The following HIBCH variants were observed in gnomAD, a reference collection of about 807,000 sequenced individuals.
The protein encoded by HIBCH is 3-hydroxyisobutyryl-CoA hydrolase.
A neutral mutation model predicts 58.2 loss-of-function variants in HIBCH; 50 were observed. The ratio of observed to expected loss-of-function variants is 0.86; its 90% CI spans 0.68 to 1.09. The LOEUF (loss-of-function observed/expected upper bound fraction) is 1.09. Among genes scored for constraint, HIBCH ranks in the 50% least tolerant of loss-of-function variants. The pLI is 0.00. For synonymous variants in HIBCH, 151 were observed against 146.9 expected (o/e 1.03, Z -0.20); for missense variants, 450 against 449.7 (o/e 1.00, Z -0.01).
At chr2:190,312,047 C>G (rs1688571459) in intron 1 of HIBCH, among the ~76,000 whole-genome samples, 1 of 152,080 alleles carries the variant, frequency 6.6e-6, no homozygotes, top group African/African-American at 2.4e-5. Flanking sequence ...GTTCACTAAG[C>G]TATAAACTTC....
At chr2:190,237,436 A>G (rs779219853) in intron 11 of HIBCH, among the ~76,000 whole-genome samples, 2 of 152,314 alleles carry the variant, frequency 1.3e-5, no homozygotes, top group South Asian at 2.1e-4. Context: ...ATATATCACA[A>G]TAAGTTTATT....
intron 4 of HIBCH, among the ~76,000 whole-genome samples, chr2:190,293,238 G>A (rs1247435897): frequency 6.6e-5 from 10 of 152,096 alleles, no homozygotes; most frequent in African/African-American, 2.2e-4. Context: ...GATCGCCTGA[G>A]ATCAGGAGTT....
At chr2:190,200,034 C>G, downstream of HIBCH, 2 of 1,614,104 alleles carry the variant, frequency 1.2e-6, no homozygotes, top group Non-Finnish European at 1.7e-6. Flanking sequence ...ATACTGTGAT[C>G]TTGGAATATG....
chr2:190,282,533 T>C (rs969633985), intron 6 of HIBCH, among the ~76,000 whole-genome samples: 1 of 152,142 alleles, frequency 6.6e-6, no homozygotes, highest in South Asian at 2.1e-4. Context: ...AAGATACTAA[T>C]CCATCTTAAC....
chr2:190,270,119 C>G (rs774885370), intron 6 of HIBCH, among the ~76,000 whole-genome samples: 18 of 152,006 alleles, frequency 1.2e-4, no homozygotes, highest in Non-Finnish European at 2.1e-4. Flanking sequence ...CTAATACATG[C>G]AGGGCTTAAA....
chr2:190,192,226 A>G (rs1279463079), intron 1 of HIBCH, among the ~76,000 whole-genome samples: 1 of 151,856 alleles, frequency 6.6e-6, no homozygotes, highest in Non-Finnish European at 1.5e-5. Flanking sequence ...TTTTGCATTC[A>G]TTGTTTTTGG....
intron 9 of HIBCH, among the ~76,000 whole-genome samples, chr2:190,246,884 G>C (rs371044062): frequency 3.9e-5 from 6 of 152,090 alleles, no homozygotes; most frequent in South Asian, 2.1e-4. Context: ...AGTATAAGAG[G>C]GTTCTGCAGG....
At chr2:190,258,148 T>C (rs1027419541) in intron 7 of HIBCH, among the ~76,000 whole-genome samples, 2 of 152,104 alleles carry the variant, frequency 1.3e-5, no homozygotes, top group Non-Finnish European at 2.9e-5. Context: ...GTTCTCATGA[T>C]ATCTGGTTGT....
At chr2:190,309,647 C>T (rs1688508464) in intron 2 of HIBCH, among the ~76,000 whole-genome samples, 1 of 151,996 alleles carries the variant, frequency 6.6e-6, no homozygotes, top group South Asian at 2.1e-4. Flanking sequence ...GCTCTGCCTC[C>T]CGGGTTCACG....
chr2:190,190,142 A>G (rs1210339483), intron 1 of HIBCH: 1 of 152,250 alleles, frequency 6.6e-6, no homozygotes, highest in Non-Finnish European at 1.5e-5. Context: ...GTTTTAACAT[A>G]TACCTCATGT....
At chr2:190,282,375 C>T (rs1687724058) in intron 6 of HIBCH, among the ~76,000 whole-genome samples, 1 of 152,164 alleles carries the variant, frequency 6.6e-6, no homozygotes, top group African/African-American at 2.4e-5. Context: ...TAGTGAGGGC[C>T]TTATGTTACA....
Position 190,265,528 on chromosome 2 carries a change from CTGTATACCAAA to C in HIBCH, c.439-4305_439-4295del, listed in dbSNP as rs1687209611. 3.3e-5 allele frequency among the ~76,000 whole-genome samples: 5 copies of C among 151,294 alleles called. No individual in the cohort carries two copies. The South Asian group carries it at 1.0e-3, about 31-fold the overall frequency. ...ATCCTAGACAGGATTCCCTTATCAG[CTGTATACCAAA>C]TATGTTTTCAGTCTGTGGCTTGCCT... On this transcript the variant is annotated intron_variant, in intron 6 of 13. Transcript: ENST00000359678.
rs1034981822 is a variant in HIBCH at position 190,206,322 on chromosome 2, T to A, written c.1046-1090A>T. 6.6e-6 allele frequency among the ~76,000 whole-genome samples: 1 copy of A among 152,178 alleles called. No homozygotes were observed. Among genetic ancestry groups the A allele is most frequent in the Non-Finnish European group, 1.5e-5 (1 of 68,030 alleles). On this transcript the variant is annotated intron_variant, in intron 13 of 13. Coordinates refer to ENST00000359678, the MANE Select transcript of HIBCH (RefSeq NM_014362.4). The surrounding 1 kb of genome is among the most constrained non-coding windows in gnomAD (Gnocchi z 5.1). ...TTCTGATCCCTACTATTTGAAAGTT[T>A]TATATTCCGTGGACAGTGTAAACAA... is the stretch of plus-strand genomic sequence containing the variant.
chr2:190,285,434 G>A (rs771306306), intron 6 of HIBCH, among the ~76,000 whole-genome samples: 3 of 151,978 alleles, frequency 2.0e-5, no homozygotes, highest in Non-Finnish European at 2.9e-5. Context: ...TTTTCCCCAG[G>A]TTAAAGCACA....
In HIBCH at chr2:190,206,411, T is replaced by C. The variant is rs1225294314; in HGVS notation, c.1046-1179A>G. Among the ~76,000 whole-genome samples the C allele has an allele frequency of 3.3e-5, 5 of 152,216 alleles. No individual in the cohort carries two copies. Among genetic ancestry groups the C allele is most frequent in the Admixed American group, 6.5e-5 (1 of 15,280 alleles). On this transcript the variant is annotated intron_variant, in intron 13 of 13. Transcript: ENST00000359678. The surrounding 1 kb of genome is among the most constrained non-coding windows in gnomAD (Gnocchi z 5.1). ...TCACTCTAAGTCTTCTGGTCAATACTACCTGTCTCCTTGAGATCCCACTGA... is the reference window on the plus strand; with the variant it reads ...TCACTCTAAGTCTTCTGGTCAATACCACCTGTCTCCTTGAGATCCCACTGA...
At chr2:190,195,699 G>A (rs919104231) in intron 1 of HIBCH, among the ~76,000 whole-genome samples, 1 of 151,840 alleles carries the variant, frequency 6.6e-6, no homozygotes, top group Non-Finnish European at 1.5e-5. Context: ...TTTTCTCCCA[G>A]TCTGTGGCTT....
intron 11 of HIBCH, among the ~76,000 whole-genome samples, chr2:190,232,004 T>C (rs1173377617): frequency 6.6e-6 from 1 of 152,128 alleles, no homozygotes; most frequent in East Asian, 1.9e-4. Context: ...AAGACCAGCC[T>C]GACCAACATG....
intron 11 of HIBCH, among the ~76,000 whole-genome samples, chr2:190,226,801 C>T (rs1274598867): frequency 2.6e-5 from 4 of 151,912 alleles, no homozygotes; most frequent in African/African-American, 9.7e-5. Flanking sequence ...AAACAGAGGG[C>T]CAAATCATGA....
chr2:190,258,000 C>A (rs1686977319), intron 7 of HIBCH, among the ~76,000 whole-genome samples: 1 of 152,142 alleles, frequency 6.6e-6, no homozygotes, highest in African/African-American at 2.4e-5. Flanking sequence ...TTGAAAGGCC[C>A]TGATATGGTT....
Sources: gnomAD v4.1 joint callset for allele counts (sites outside exome capture counted in the v4.1 genomes callset) on GRCh38, gnomAD v4.1.1 for gene constraint, Gnocchi (gnomAD v3.1) non-coding constraint, MANE v1.5 for transcripts, NCBI Gene and HGNC (gene_info 2026-07-23, HGNC 2026-07-21) for gene names.